Variants in NEDD9 observed in about 807,000 individuals in gnomAD.
The protein encoded by NEDD9 is neural precursor cell expressed, developmentally down-regulated 9.
Under a neutral mutation model 76.6 loss-of-function variants are expected in NEDD9, and 26 were observed. That is an observed-to-expected ratio of 0.34 (90% CI 0.25 to 0.47). NEDD9 has a LOEUF of 0.47. Ranked by LOEUF, NEDD9 falls within the 20% of genes least tolerant of loss-of-function variation. NEDD9 has a pLI of 1.00. For synonymous variants in NEDD9, 392 were observed against 414.2 expected (o/e 0.95, Z 0.65); for missense variants, 937 against 1,058.5 (o/e 0.89, Z 1.59).
At chr6:11,377,760 GGAAGCCAGGGGCA>G (rs1762990529) in intron 1 of NEDD9, among the ~76,000 whole-genome samples, 1 of 152,286 alleles carries the variant, frequency 6.6e-6, no homozygotes, top group Non-Finnish European at 1.5e-5. Flanking sequence ...ATCAGATTTG[GGAAGCCAGGGGCA>G]GAATGATATG....
Position 11,339,622 on chromosome 6 carries a change from C to G in NEDD9, c.-213-5061G>C, listed in dbSNP as rs139709473. ...TCTGATGAGCTATGCTAAAAATGAT[C>G]AATTGGACACATGTTATGCCAGATG... On this transcript the variant is annotated intron_variant, in intron 1 of 3. Coordinates refer to the NEDD9 transcript ENST00000397378. Among the ~76,000 whole-genome samples the G allele has an allele frequency of 5.3e-5, 8 of 152,296 alleles. No individual in the cohort carries two copies. In the East Asian group the frequency reaches 1.5e-3, roughly 29 times the overall value.
At chr6:11,215,100 G>C (rs912486329) in intron 1 of NEDD9, among the ~76,000 whole-genome samples, 8 of 152,286 alleles carry the variant, frequency 5.3e-5, no homozygotes, top group Non-Finnish European at 7.4e-5. Flanking sequence ...TTTCCGCTCT[G>C]GAGGGCTGTG....
At chr6:11,244,778 C>G (rs1009747612) in intron 3 of NEDD9, among the ~76,000 whole-genome samples, 1 of 152,106 alleles carries the variant, frequency 6.6e-6, no homozygotes, top group Non-Finnish European at 1.5e-5. Context: ...GAGTCAATAG[C>G]AAGAGAGAAT....
At chr6:11,260,753 G>A (rs1397080627) in intron 3 of NEDD9, among the ~76,000 whole-genome samples, 3 of 152,210 alleles carry the variant, frequency 2.0e-5, no homozygotes, top group Admixed American at 1.3e-4. Context: ...GATATAAAAA[G>A]TGTGTTAGTC....
chr6:11,369,699 T>C (rs1361655521), intron 1 of NEDD9, among the ~76,000 whole-genome samples: 1 of 152,054 alleles, frequency 6.6e-6, no homozygotes, highest in African/African-American at 2.4e-5. Context: ...TATTCTACAA[T>C]GAGATAGATA....
At chr6:11,346,680 C>G (rs1348156782) in intron 1 of NEDD9, among the ~76,000 whole-genome samples, 1 of 152,188 alleles carries the variant, frequency 6.6e-6, no homozygotes, top group African/African-American at 2.4e-5. Context: ...AGGATCTGGA[C>G]TGACTGCTGG....
intron 3 of NEDD9, among the ~76,000 whole-genome samples, chr6:11,304,178 C>T (rs1299098388): frequency 6.6e-6 from 1 of 152,162 alleles, no homozygotes; most frequent in Non-Finnish European, 1.5e-5. Context: ...CAAAAGAAGA[C>T]ATTTATGCAG....
chr6:11,286,152 A>G (rs1760644750), intron 3 of NEDD9, among the ~76,000 whole-genome samples: 1 of 152,224 alleles, frequency 6.6e-6, no homozygotes, highest in Non-Finnish European at 1.5e-5. Context: ...ATAATAAGAA[A>G]ACAAACCAAA....
intron 1 of NEDD9, among the ~76,000 whole-genome samples, chr6:11,357,832 G>GTTCTACAAGATCGGCCTAGCTGA (rs1441020346): frequency 6.6e-6 from 1 of 152,176 alleles, no homozygotes; most frequent in East Asian, 1.9e-4. Flanking sequence ...TTCTACGTCA[G>GTTCTACAAGATCGGCCTAGCTGA]TTCTACAAGA....
intron 1 of NEDD9, among the ~76,000 whole-genome samples, chr6:11,358,045 C>A (rs1300154252): frequency 6.6e-6 from 1 of 152,002 alleles, no homozygotes; most frequent in African/African-American, 2.4e-5. Flanking sequence ...GTCAGGAGAT[C>A]GAGATCATCC....
At chr6:11,297,543 C>T (rs2113392385) in intron 3 of NEDD9, among the ~76,000 whole-genome samples, 1 of 152,292 alleles carries the variant, frequency 6.6e-6, no homozygotes, top group African/African-American at 2.4e-5. Flanking sequence ...AGGTGAGTGA[C>T]CAAGTCTAGC....
At chr6:11,276,142 A>C (rs561205191) in intron 3 of NEDD9, among the ~76,000 whole-genome samples, 1 of 152,370 alleles carries the variant, frequency 6.6e-6, no homozygotes, top group East Asian at 1.9e-4. Flanking sequence ...GTGCAAACAG[A>C]AACAGAGATA....
intron 3 of NEDD9, among the ~76,000 whole-genome samples, chr6:11,192,810 G>T (rs1758189197): frequency 1.3e-5 from 2 of 151,432 alleles, no homozygotes; most frequent in African/African-American, 4.9e-5. Flanking sequence ...GTGCACACCT[G>T]TAGTCCCAGC....
At chr6:11,350,066 G>T (rs1762436776) in intron 1 of NEDD9, among the ~76,000 whole-genome samples, 1 of 152,206 alleles carries the variant, frequency 6.6e-6, no homozygotes, top group Non-Finnish European at 1.5e-5. Context: ...GAGCTGGCCT[G>T]GGCAATACAG....
intron 2 of NEDD9, among the ~76,000 whole-genome samples, chr6:11,314,200 C>A (rs1290820172): frequency 1.3e-5 from 2 of 152,160 alleles, no homozygotes; most frequent in Non-Finnish European, 2.9e-5. Flanking sequence ...TCTACATAAA[C>A]AGGACCTTTG....
Position 11,381,820 on chromosome 6 carries a change from T to A in NEDD9, c.-214+319A>T, listed in dbSNP as rs146812895. 8.5e-3 allele frequency among the ~76,000 whole-genome samples: 1,292 copies of A among 152,354 alleles called. 6 individuals carry two copies. The highest frequency in any genetic ancestry group is 0.013 in the Non-Finnish European group (911 of 68,026). ...TCAGGAAAAATAAAAGCTTAGTTGC[T>A]GTCAGGTAAGCTCTCTGACGACAGT... On this transcript the variant is annotated intron_variant, in intron 1 of 3. Coordinates refer to the NEDD9 transcript ENST00000397378.
intron 1 of NEDD9, among the ~76,000 whole-genome samples, chr6:11,367,218 G>A (rs1762785614): frequency 2.6e-5 from 4 of 152,210 alleles, no homozygotes; most frequent in Non-Finnish European, 5.9e-5. Flanking sequence ...AGTGCAGTGG[G>A]CATCAATTAA....
intron 2 of NEDD9, among the ~76,000 whole-genome samples, chr6:11,332,656 G>GGA (rs1375763793): frequency 6.6e-6 from 1 of 152,134 alleles, no homozygotes; most frequent in East Asian, 1.9e-4. Context: ...CTATTTAAGT[G>GGA]ACCTCCCAAC....
chr6:11,258,265 G>A (rs1440088969), intron 3 of NEDD9, among the ~76,000 whole-genome samples: 2 of 152,178 alleles, frequency 1.3e-5, no homozygotes, highest in South Asian at 2.1e-4. Flanking sequence ...TACCAGGGAG[G>A]CTCAGGGGCT....
Sources: gnomAD v4.1 joint callset for allele counts (sites outside exome capture counted in the v4.1 genomes callset) on GRCh38, gnomAD v4.1.1 for gene constraint, MANE v1.5 for transcripts, NCBI Gene and HGNC (gene_info 2026-07-23, HGNC 2026-07-21) for gene names.